Variants in GLIS3 observed in about 807,000 individuals in gnomAD.
GLIS3 encodes zinc finger protein GLIS3.
A neutral mutation model predicts 78.6 loss-of-function variants in GLIS3; 53 were observed. That is an observed-to-expected ratio of 0.67 (90% CI 0.54 to 0.85). The LOEUF is 0.85. Among genes scored for constraint, GLIS3 ranks in the 40% least tolerant of loss-of-function variants. The pLI, the probability that GLIS3 is intolerant of heterozygous loss-of-function variation, is 0.00. For missense variants in GLIS3, 1,703 were observed against 1,231.1 expected (o/e 1.38, Z -5.74); for synonymous variants, 684 against 509.9 (o/e 1.34, Z -4.60).
chr9:4,130,779 C>T (rs1440546496), intron 2 of GLIS3, among the ~76,000 whole-genome samples: 1 of 152,194 alleles, frequency 6.6e-6, no homozygotes, highest in Non-Finnish European at 1.5e-5. Context: ...AGCCTCCACA[C>T]AGTCTCCACT....
At chr9:3,936,557 C>G (rs1315817850) in intron 5 of GLIS3, among the ~76,000 whole-genome samples, 1 of 151,898 alleles carries the variant, frequency 6.6e-6, no homozygotes, top group Non-Finnish European at 1.5e-5. Context: ...CAAATTCACT[C>G]TTGAAAATCA....
In GLIS3 at chr9:4,066,129, G is replaced by T. The variant is rs551580691; in HGVS notation, c.1710+51639C>A. On this transcript the variant is annotated intron_variant, in intron 4 of 10. Coordinates refer to ENST00000381971, the MANE Select transcript of GLIS3 (RefSeq NM_001042413.2). Reference sequence around the variant, plus strand: ...ACATGTCAAGCCATTTCTATTTAATGCCTATTTCAATTTCAAGACATTTCT... The same window carrying T: ...ACATGTCAAGCCATTTCTATTTAATTCCTATTTCAATTTCAAGACATTTCT... Among the ~76,000 whole-genome samples, 20 of 150,962 alleles carry T rather than the reference G, an allele frequency of 1.3e-4. No homozygotes were observed. In the East Asian group the frequency reaches 1.6e-3, roughly 12 times the overall value.
intron 4 of GLIS3, among the ~76,000 whole-genome samples, chr9:4,090,739 G>A (rs991632208): frequency 1.3e-5 from 2 of 152,208 alleles, no homozygotes; most frequent in African/African-American, 4.8e-5. Flanking sequence ...GCCCAGGGAA[G>A]AAGAGATAAG....
the GLIS3 span, among the ~76,000 whole-genome samples, chr9:4,427,788 G>T: frequency 6.6e-6 from 1 of 151,920 alleles, no homozygotes; most frequent in Non-Finnish European, 1.5e-5. Flanking sequence ...GAATCCAGGA[G>T]GCGGAGGTTG....
At chr9:4,029,669 G>A (rs1823658370) in intron 4 of GLIS3, among the ~76,000 whole-genome samples, 1 of 147,448 alleles carries the variant, frequency 6.8e-6, no homozygotes, top group Non-Finnish European at 1.5e-5. Flanking sequence ...CAATTGTATT[G>A]ATTTTTAGAT....
chr9:4,033,886 A>AAAAAAAAAAAAAC (rs1185830960), intron 4 of GLIS3, among the ~76,000 whole-genome samples: 2 of 149,600 alleles, frequency 1.3e-5, no homozygotes, highest in African/African-American at 5.0e-5. Context: ...AAAAAAAAAA[A>AAAAAAAAAAAAAC]AAAACTAGAA....
rs137980101 is a variant in GLIS3 at position 3,884,682 on chromosome 9, T to C, written c.2129-5087A>G. On this transcript the variant is annotated intron_variant, in intron 7 of 10. Transcript: ENST00000381971. ...CATTTATAATGTGCAAAGTTCTTTA[T>C]AAACATTTCCCCAGTTTGCTGATGA... Among the ~76,000 whole-genome samples the C allele has an allele frequency of 3.4e-3, 512 of 152,308 alleles. 3 individuals carry two copies. Among genetic ancestry groups the C allele is most frequent in the Middle Eastern group, 6.8e-3 (2 of 294 alleles).
intron 2 of GLIS3, among the ~76,000 whole-genome samples, chr9:4,264,634 C>T (rs898665901): frequency 2.0e-5 from 3 of 152,008 alleles, no homozygotes; most frequent in African/African-American, 7.2e-5. Context: ...CTGCAGATGC[C>T]ACACTCTTCA....
chr9:4,203,676 TCA>T (rs1206772543), intron 2 of GLIS3, among the ~76,000 whole-genome samples: 1 of 152,190 alleles, frequency 6.6e-6, no homozygotes, highest in African/African-American at 2.4e-5. Context: ...GCAGCACTAT[TCA>T]CAATAGCAAA....
chr9:4,298,537 G>A (rs12340657), intron 1 of GLIS3: 77,909 of 354,862 alleles, frequency 0.22, 10,241 homozygotes, highest in African/African-American at 0.41. Flanking sequence ...AGAGCCGGCG[G>A]CTCACTCACG....
chr9:3,908,974 A>G (rs1823939540), intron 6 of GLIS3, among the ~76,000 whole-genome samples: 1 of 152,204 alleles, frequency 6.6e-6, no homozygotes, highest in Non-Finnish European at 1.5e-5. Flanking sequence ...ACGAGGCACA[A>G]TCAAAGGCCT....
At chr9:4,225,343 T>C (rs774548816) in intron 2 of GLIS3, among the ~76,000 whole-genome samples, 8 of 152,180 alleles carry the variant, frequency 5.3e-5, no homozygotes, top group Non-Finnish European at 7.4e-5. Flanking sequence ...AATTATACAA[T>C]TACTCTTTGG....
At chr9:4,322,428 T>G (rs80198679) in intron 2 of GLIS3, among the ~76,000 whole-genome samples, 32,379 of 152,056 alleles carry the variant, frequency 0.21, 3,704 homozygotes, top group East Asian at 0.37. Context: ...GTAATGGGAT[T>G]GCTGGGTCAA....
Position 3,949,276 on chromosome 9 carries a change from C to T in GLIS3, c.1711-12087G>A, listed in dbSNP as rs117641908. On this transcript the variant is annotated intron_variant, in intron 4 of 10. Coordinates refer to ENST00000381971, the MANE Select transcript of GLIS3 (RefSeq NM_001042413.2). Reference sequence around the variant, plus strand: ...CATTCTCATCAAAATCTGAGCACAGCGTTAAACCATTAGCAATGACTAGAA... The same window carrying T: ...CATTCTCATCAAAATCTGAGCACAGTGTTAAACCATTAGCAATGACTAGAA... Among the ~76,000 whole-genome samples the T allele has an allele frequency of 6.1e-3, 923 of 152,310 alleles. 2 individuals are homozygous for T. The highest frequency in any genetic ancestry group is 9.5e-3 in the Non-Finnish European group (649 of 68,022).
chr9:4,126,086 C>A, intron 2 of GLIS3, 145 bp from the exon 3 acceptor site: 1 of 671,612 alleles, frequency 1.5e-6, no homozygotes, highest in Non-Finnish European at 2.6e-6. Context: ...TAGCAAAAGG[C>A]TTTCTCCAAT....
At chr9:4,391,715 G>A in the GLIS3 span, among the ~76,000 whole-genome samples, 1 of 152,168 alleles carries the variant, frequency 6.6e-6, no homozygotes, top group South Asian at 2.1e-4. Context: ...CTGTCAATAG[G>A]GATTTGGTAA....
At chr9:4,364,572 G>A in the GLIS3 span, among the ~76,000 whole-genome samples, 11 of 151,982 alleles carry the variant, frequency 7.2e-5, no homozygotes, top group East Asian at 5.8e-4. Flanking sequence ...ATATTGCTGA[G>A]GCTCAAAATG....
intron 4 of GLIS3, among the ~76,000 whole-genome samples, chr9:3,968,841 T>G (rs1057323528): frequency 6.6e-5 from 10 of 152,234 alleles, no homozygotes; most frequent in Admixed American, 6.5e-4. Context: ...CAAATACATT[T>G]GGTACATTTA....
At chr9:4,012,489 C>T (rs1023901574) in intron 4 of GLIS3, among the ~76,000 whole-genome samples, 1 of 152,064 alleles carries the variant, frequency 6.6e-6, no homozygotes, top group African/African-American at 2.4e-5. Flanking sequence ...AACTTCCTTC[C>T]AATAATTTTG....
Sources: gnomAD v4.1 joint callset for allele counts (sites outside exome capture counted in the v4.1 genomes callset) on GRCh38, gnomAD v4.1.1 for gene constraint, MANE v1.5 for transcripts, NCBI Gene and HGNC (gene_info 2026-07-23, HGNC 2026-07-21) for gene names.